SUFU: variants seen among roughly 807,000 people sequenced by gnomAD.
The protein encoded by SUFU is SUFU negative regulator of hedgehog signaling, also known as suppressor of fused homolog.
SUFU carries 7 observed loss-of-function variants against 58.9 expected under a neutral mutation model. That is an observed-to-expected ratio of 0.12 (90% CI 0.07 to 0.22). The LOEUF is 0.22. Ranked by LOEUF, SUFU falls within the 10% of genes least tolerant of loss-of-function variation. SUFU has a pLI of 1.00. For missense variants in SUFU, 451 were observed against 641.3 expected, an observed-to-expected ratio of 0.70 and a Z score of 3.20; for synonymous variants, 232 against 254.8, an observed-to-expected ratio of 0.91 and a Z score of 0.85.
chr10:102,599,096 C>T lies in SUFU; in HGVS notation c.911-337C>T, dbSNP rs11815464. On this transcript the variant is annotated intron_variant, in intron 7 of 11. Transcript: ENST00000369902. ...ACATCCATTTCAGTGGGCAGAATCC[C>T]CAGTAGTCAGTCACTGTGTGGAGCC... 0.042 allele frequency among the ~76,000 whole-genome samples: 6,400 copies of T among 152,216 alleles called. 436 individuals are homozygous for T. Among genetic ancestry groups the T allele is most frequent in the African/African-American group, 0.15 (6,098 of 41,508 alleles).
chr10:102,594,002 C>A lies in SUFU; in HGVS notation c.693C>A (p.Gly231=), dbSNP rs200885602. The A allele has an allele frequency of 4.3e-6, 7 of 1,614,136 alleles. No homozygotes were observed. The Admixed American group carries it at 5.0e-5, about 12-fold the overall frequency. ...CTTTCCTTGTCCACAGTGCTGGCGGCCCCTGGCTGATAACTGACATGCGGA... is the reference window on the plus strand; with the variant it reads ...CTTTCCTTGTCCACAGTGCTGGCGGACCCTGGCTGATAACTGACATGCGGA... ...ELLRTVPIAG[G]PWLITDMRRG... is the part of the protein sequence containing the mutation. The change falls in exon 6 of 12, where the codon GGC becomes GGA. Residue 231 remains glycine, a synonymous_variant. Transcript: ENST00000369902.
chr10:102,607,678 C>G (rs2063575661), intron 8 of SUFU, among the ~76,000 whole-genome samples: 1 of 152,160 alleles, frequency 6.6e-6, no homozygotes, highest in African/African-American at 2.4e-5. Context: ...CTTTGAGAGG[C>G]CAAGGCGTGC....
chr10:102,548,772 T>G (rs754611461), intron 2 of SUFU, among the ~76,000 whole-genome samples: 236 of 152,254 alleles, frequency 1.6e-3, no homozygotes, highest in Middle Eastern at 3.4e-3. Context: ...GGAAGTCCCT[T>G]TCAGGGACTT....
chr10:102,628,262 G>A lies in SUFU; in HGVS notation c.1365+1019G>A, dbSNP rs1413641895. On this transcript the variant is annotated intron_variant, in intron 11 of 11. Coordinates refer to ENST00000369902, the MANE Select transcript of SUFU (RefSeq NM_016169.4). The surrounding 1 kb of genome is among the most constrained non-coding windows in gnomAD (Gnocchi z 4.5). ...TCTGGTGTTTAGGAAGCTGAGGGGAGTGCACAGGGCGGGACCGTCCAGTCC... is the reference window on the plus strand; with the variant it reads ...TCTGGTGTTTAGGAAGCTGAGGGGAATGCACAGGGCGGGACCGTCCAGTCC... 6.6e-6 allele frequency among the ~76,000 whole-genome samples: 1 copy of A among 152,192 alleles called. No individual in the cohort carries two copies. Among genetic ancestry groups the A allele is most frequent in the Non-Finnish European group, 1.5e-5 (1 of 68,028 alleles).
At chr10:102,570,102 C>T (rs1311836477) in intron 3 of SUFU, among the ~76,000 whole-genome samples, 1 of 152,072 alleles carries the variant, frequency 6.6e-6, no homozygotes, top group African/African-American at 2.4e-5. Flanking sequence ...CACTGGGAGG[C>T]AGTAAACTCA....
Position 102,531,257 on chromosome 10 carries a change from A to T in SUFU, c.318-18713A>T, listed in dbSNP as rs59657058. 9.2e-5 allele frequency among the ~76,000 whole-genome samples: 14 copies of T among 152,256 alleles called. No individual in the cohort carries two copies. In the East Asian group the frequency reaches 2.7e-3, roughly 29 times the overall value. Reference sequence around the variant, plus strand: ...GCAACAGAGTGAGACTTTATCTCTAAAAGAATAAAAAATAAAAATAGTAAT... The same window carrying T: ...GCAACAGAGTGAGACTTTATCTCTATAAGAATAAAAAATAAAAATAGTAAT... On this transcript the variant is annotated intron_variant, in intron 2 of 11. Transcript: ENST00000369902.
chr10:102,506,165 A>G (rs1188579833), intron 1 of SUFU, among the ~76,000 whole-genome samples: 3 of 152,154 alleles, frequency 2.0e-5, no homozygotes. Flanking sequence ...ATGTCACCCA[A>G]GTAGCCATAA....
rs1018784032 is a variant in SUFU, at chr10:102,628,793, G to C, written c.1366-1273G>C. On this transcript the variant is annotated intron_variant, in intron 11 of 11. Transcript: ENST00000369902. This position sits in a 1 kb window ranked among gnomAD's most constrained non-coding sequence, Gnocchi z 4.5. ...GCTCGTCTGCCTCCAGCCCCAGACC[G>C]AGGCAGGCTGAGAACACTGTTCTCT... Among the ~76,000 whole-genome samples the C allele has an allele frequency of 6.6e-6, 1 of 152,128 alleles. No homozygotes were observed. The highest frequency in any genetic ancestry group is 6.6e-5 in the Admixed American group (1 of 15,262).
chr10:102,586,493 G>A (rs1227014294), intron 3 of SUFU, among the ~76,000 whole-genome samples: 1 of 151,922 alleles, frequency 6.6e-6, no homozygotes, highest in Non-Finnish European at 1.5e-5. Context: ...CTAACACGGT[G>A]AAACCCTGTC....
chr10:102,595,400 G>C (rs1421089252), intron 6 of SUFU, among the ~76,000 whole-genome samples: 1 of 152,132 alleles, frequency 6.6e-6, no homozygotes, highest in African/African-American at 2.4e-5. Context: ...TGGTTTCCTT[G>C]TATCTTCTGC....
intron 3 of SUFU, among the ~76,000 whole-genome samples, chr10:102,581,002 C>T (rs887194695): frequency 6.6e-6 from 1 of 151,542 alleles, no homozygotes; most frequent in African/African-American, 2.4e-5. Flanking sequence ...GCCAACATGG[C>T]AAAACTCCAT....
intron 3 of SUFU, among the ~76,000 whole-genome samples, chr10:102,578,706 CAA>C (rs113374192): frequency 7.7e-6 from 1 of 129,586 alleles, no homozygotes; most frequent in Non-Finnish European, 1.6e-5. Context: ...GACTCCGTTT[CAA>C]AAAAAAAAAA....
intron 2 of SUFU, 118 bp from the exon 3 acceptor site, chr10:102,549,852 C>T (rs772380496): frequency 8.2e-6 from 11 of 1,345,188 alleles, no homozygotes; most frequent in Non-Finnish European, 1.2e-5. Flanking sequence ...GGATACTCCT[C>T]TGAATGGAGG....
chr10:102,560,541 C>T (rs2063026978), intron 3 of SUFU, among the ~76,000 whole-genome samples: 1 of 152,250 alleles, frequency 6.6e-6, no homozygotes, highest in East Asian at 1.9e-4. Flanking sequence ...CGCCACTGCA[C>T]TCCAGCATGG....
At chr10:102,514,783 C>G (rs1260302671) in intron 2 of SUFU, among the ~76,000 whole-genome samples, 1 of 152,202 alleles carries the variant, frequency 6.6e-6, no homozygotes, top group Admixed American at 6.5e-5. Context: ...GGATTTCTGG[C>G]TGTCCCTGGT....
intron 8 of SUFU, among the ~76,000 whole-genome samples, chr10:102,600,550 G>A (rs1010995783): frequency 2.0e-5 from 3 of 152,200 alleles, no homozygotes; most frequent in Non-Finnish European, 4.4e-5. Flanking sequence ...GTTGCTGATC[G>A]TGTTTCCCAG....
chr10:102,603,170 C>CT (rs1376297842), intron 8 of SUFU, among the ~76,000 whole-genome samples: 17 of 151,926 alleles, frequency 1.1e-4, no homozygotes, highest in Admixed American at 3.3e-4. Flanking sequence ...TTATTTATTT[C>CT]TTTTTTTTAG....
In SUFU at chr10:102,524,323, TC is replaced by T. The variant is rs1564664419; in HGVS notation, c.317+15021del. On this transcript the variant is annotated intron_variant, in intron 2 of 11. Coordinates refer to ENST00000369902, the MANE Select transcript of SUFU (RefSeq NM_016169.4). ...CCCAGCCTAATTTTTCTTTTTCTTT[TC>T]TTTTCTTTTTTTTTTTTTTGAGATG... Among the ~76,000 whole-genome samples the T allele has an allele frequency of 2.9e-3, 397 of 136,898 alleles. 3 individuals carry two copies. Among genetic ancestry groups the T allele is most frequent in the African/African-American group, 0.01 (379 of 36,282 alleles). The allele number at this position is 136,898 out of a possible 152,430, so 89.8% of individuals were successfully genotyped here.
chr10:102,630,554 C>A lies in SUFU; in HGVS notation c.*399C>A. 1 of 385,470 alleles carries A rather than the reference C, an allele frequency of 2.6e-6. No homozygotes were observed. Among genetic ancestry groups the A allele is most frequent in the Non-Finnish European group, 4.9e-6 (1 of 204,218 alleles). 23.9% of individuals were successfully genotyped at this position (385,470 alleles called of 1,614,324 possible). A position where few individuals can be genotyped will look rare whatever the true frequency, so the allele number is the denominator to read the frequency against. ...GGGAGGCGGACAGCCAGATGCAGAGCGAGTGGATGCACTTCCCAGCTCATC... is the reference window on the plus strand; with the variant it reads ...GGGAGGCGGACAGCCAGATGCAGAGAGAGTGGATGCACTTCCCAGCTCATC... On this transcript the variant is annotated 3_prime_UTR_variant, in exon 12 of 12. Coordinates refer to ENST00000369902, the MANE Select transcript of SUFU (RefSeq NM_016169.4).
Sources: allele counts gnomAD v4.1 joint callset (sites outside exome capture counted in the v4.1 genomes callset), GRCh38; gene constraint gnomAD v4.1.1; non-coding constraint Gnocchi (gnomAD v3.1); transcripts MANE v1.5; gene names NCBI Gene and HGNC (gene_info 2026-07-23, HGNC 2026-07-21).